The following EIF3D variants were observed in gnomAD, a reference collection of about 807,000 sequenced individuals.
EIF3D encodes the protein eukaryotic translation initiation factor 3 subunit D, also known as eIF3 p66.
In EIF3D, 10 loss-of-function variants were observed where a neutral mutation model predicts 75.4. That is an observed-to-expected ratio of 0.13 (90% confidence interval 0.08 to 0.22). EIF3D has a LOEUF of 0.22. EIF3D is among the 10% of genes least tolerant of loss of function. EIF3D has a pLI of 1.00. For missense variants in EIF3D, 394 were observed against 708.0 expected (o/e 0.56, Z 5.03); for synonymous variants, 246 against 248.3 (o/e 0.99, Z 0.09).
intron 10 of EIF3D, 187 bp from the exon 11 acceptor site, chr22:36,516,977 T>C (rs1408348968): frequency 4.8e-6 from 3 of 630,252 alleles, no homozygotes; most frequent in South Asian, 1.9e-5. Flanking sequence ...CCTGATGAAT[T>C]AGAACAATGA....
chr22:36,511,085 T>C, intron 14 of EIF3D, 85 bp from the exon 15 acceptor site: 2 of 1,500,758 alleles, frequency 1.3e-6, no homozygotes, highest in Non-Finnish European at 1.8e-6. Flanking sequence ...TGCTGGACTG[T>C]GCGTGAGTTT....
chr22:36,512,870 C>G (rs1484136143), intron 12 of EIF3D: 1 of 417,260 alleles, frequency 2.4e-6, no homozygotes, highest in African/African-American at 2.0e-5. Flanking sequence ...CACACACACA[C>G]ACACACACAC....
In EIF3D at chr22:36,516,925, C is replaced by A; in HGVS notation, c.991-135G>T. ...GGCCCTTGATGGGGCTCTGAGCTCG[C>A]TGCCTGTTTTGTGCCTACTTGACCC... On this transcript the variant is annotated intron_variant, in intron 10 of 14. Coordinates refer to ENST00000216190, the MANE Select transcript of EIF3D (RefSeq NM_003753.4). The A allele has an allele frequency of 3.8e-6, 3 of 787,936 alleles. No homozygotes were observed. In the South Asian group the frequency reaches 4.6e-5, roughly 12 times the overall value. 48.8% of individuals were successfully genotyped at this position (787,936 alleles called of 1,614,324 possible).
At chr22:36,520,537 A>AT in intron 7 of EIF3D, 39 bp downstream of exon 7, 1 of 1,440,622 alleles carries the variant, frequency 6.9e-7, no homozygotes. Flanking sequence ...GTCCACACAC[A>AT]TAAGAGCAGT....
At chr22:36,522,603 G>T (rs1482104048) in intron 6 of EIF3D, among the ~76,000 whole-genome samples, 3 of 152,118 alleles carry the variant, frequency 2.0e-5, no homozygotes, top group Admixed American at 6.6e-5. Flanking sequence ...AAAATGTCTA[G>T]AACAAAAAAT....
At chr22:36,519,643 G>A (rs1934481732) in intron 7 of EIF3D, 106 bp from the exon 8 acceptor site, 3 of 1,495,742 alleles carry the variant, frequency 2.0e-6, no homozygotes, top group Non-Finnish European at 2.7e-6. Flanking sequence ...AAAAGAGGTG[G>A]AAAGCAATCT....
rs1183511376 is a variant in EIF3D at position 36,523,239 on chromosome 22, C to A, written c.435G>T (p.Gly145=). 6.2e-7 allele frequency: 1 copy of A among 1,613,912 alleles called. No individual in the cohort carries two copies. The highest frequency in any genetic ancestry group is 1.3e-5 in the African/African-American group (1 of 75,008). Residue 145 remains glycine (G), a synonymous_variant, in exon 6 of 15, where the codon GGG becomes GGT. Coordinates refer to ENST00000216190, the MANE Select transcript of EIF3D (RefSeq NM_003753.4). ...RLQKKFQKQF[G]VRQKWDQKSQ... Reference sequence around the variant, plus strand: ...ATTTCTGATCCCATTTCTGCCTAACCCCAAATTGTTTCTGGAACTTTTTCT... The same window carrying A: ...ATTTCTGATCCCATTTCTGCCTAACACCAAATTGTTTCTGGAACTTTTTCT...
At chr22:36,513,708 G>C (rs1448221669) in intron 12 of EIF3D, among the ~76,000 whole-genome samples, 1 of 152,220 alleles carries the variant, frequency 6.6e-6, no homozygotes, top group African/African-American at 2.4e-5. Context: ...ACTCCTGTGA[G>C]TTTGCTGTGG....
chr22:36,516,041 T>C (rs1568998704), intron 12 of EIF3D: 1 of 155,746 alleles, frequency 6.4e-6, no homozygotes, highest in Non-Finnish European at 1.4e-5. Flanking sequence ...AAAAAATGTG[T>C]GAAAAGATTG....
intron 1 of EIF3D, among the ~76,000 whole-genome samples, chr22:36,526,427 T>C (rs7364233): frequency 0.088 from 13,428 of 152,130 alleles, 681 homozygotes; most frequent in African/African-American, 0.14. Context: ...GACAGGGTGT[T>C]GTATTGATTG....
chr22:36,522,144 A>G (rs1176248022), intron 6 of EIF3D, among the ~76,000 whole-genome samples: 1 of 152,138 alleles, frequency 6.6e-6, no homozygotes, highest in Non-Finnish European at 1.5e-5. Context: ...GCTTGAGCTC[A>G]GGAGTTTGAG....
At chr22:36,523,697 A>G (rs1375907799) in intron 5 of EIF3D, among the ~76,000 whole-genome samples, 198 bp downstream of exon 5, 4 of 151,946 alleles carry the variant, frequency 2.6e-5, no homozygotes, top group African/African-American at 9.7e-5. Flanking sequence ...CAGCACAAGG[A>G]GTTAGTTTCC....
At position 36,525,690 on chromosome 22, in the gene EIF3D, G is replaced by A. The variant is rs772520103; in HGVS notation, c.143C>T (p.Ala48Val). The A allele has an allele frequency of 1.9e-6, 3 of 1,613,140 alleles. No individual in the cohort carries two copies. The highest frequency in any genetic ancestry group is 2.5e-6 in the Non-Finnish European group (3 of 1,179,830). ...RLGKVADWTGATYQDKRYTNK... is the reference protein window; with the variant it reads ...RLGKVADWTGVTYQDKRYTNK... ...TGTGTACCTCTTATCTTGGTATGTG[G>A]CTCCTGTCCAGTCTGCAACCTACGA... Residue 48 changes from alanine to valine, a missense_variant, in exon 3 of 15, where the codon GCC (alanine) becomes GTC (valine). Ala to Val is a moderately conservative substitution (Grantham distance 64). Transcript: ENST00000216190.
At chr22:36,513,926 C>A (rs550101418) in intron 12 of EIF3D, among the ~76,000 whole-genome samples, 1 of 152,034 alleles carries the variant, frequency 6.6e-6, no homozygotes, top group Non-Finnish European at 1.5e-5. Flanking sequence ...AATTGACTGG[C>A]GGAGATAAAT....
At chr22:36,516,142 A>C in intron 12 of EIF3D, 1 of 207,188 alleles carries the variant, frequency 4.8e-6, no homozygotes, top group South Asian at 1.6e-4. Context: ...TAAGGAGAGG[A>C]AAAAATCAGA....
intron 6 of EIF3D, among the ~76,000 whole-genome samples, chr22:36,521,064 G>T (rs568441301): frequency 1.6e-3 from 246 of 152,264 alleles, no homozygotes; most frequent in Non-Finnish European, 2.6e-3. Flanking sequence ...GCCAGGCATG[G>T]TGATGCATGC....
At chr22:36,518,038 C>T (rs956418211) in intron 9 of EIF3D, among the ~76,000 whole-genome samples, 5 of 152,018 alleles carry the variant, frequency 3.3e-5, no homozygotes, top group Non-Finnish European at 5.9e-5. Flanking sequence ...TGTGAGCCAC[C>T]GTGTCCAGCC....
chr22:36,528,979 G>C, intron 1 of EIF3D, 97 bp downstream of exon 1: 1 of 290,680 alleles, frequency 3.4e-6, no homozygotes, highest in Non-Finnish European at 6.3e-6. Flanking sequence ...AGCAGGAAGG[G>C]ACTAAGAGAG....
chr22:36,518,736 G>A (rs1387801299), intron 9 of EIF3D, 27 bp downstream of exon 9: 3 of 1,612,618 alleles, frequency 1.9e-6, no homozygotes, highest in African/African-American at 2.7e-5. Context: ...CAATGCCTTT[G>A]AGTTGCTCCC....
Sources: allele counts gnomAD v4.1 joint callset (sites outside exome capture counted in the v4.1 genomes callset), GRCh38; gene constraint gnomAD v4.1.1; transcripts MANE v1.5; gene names NCBI Gene and HGNC (gene_info 2026-07-23, HGNC 2026-07-21).